The following NECTIN3 variants were observed in gnomAD, a reference collection of about 807,000 sequenced individuals.
NECTIN3 encodes the protein nectin cell adhesion molecule 3.
In NECTIN3, 8 loss-of-function variants were observed where a neutral mutation model predicts 49.4. That is an observed-to-expected ratio of 0.16 (90% CI 0.10 to 0.29). NECTIN3 has a LOEUF of 0.29. NECTIN3 is among the 10% of genes least tolerant of loss of function. NECTIN3 has a pLI of 1.00. For missense variants in NECTIN3, 581 were observed against 654.6 expected (o/e 0.89, Z 1.23); for synonymous variants, 277 against 241.1 (o/e 1.15, Z -1.38).
intron 3 of NECTIN3, 40 bp downstream of exon 3, chr3:111,118,992 G>T: frequency 6.8e-7 from 1 of 1,469,068 alleles, no homozygotes; most frequent in South Asian, 1.3e-5. Context: ...ATATTTGTCA[G>T]CATGTTTATC....
In NECTIN3 at chr3:111,137,476, T is replaced by C. The variant is rs1576154169; in HGVS notation, c.*3261T>C. ...TTTTGTTTTGTTTTGTTTTTTCTTT[T>C]TTAACCAACCTGTGTATTAGGTGTT... On this transcript the variant is annotated 3_prime_UTR_variant, in exon 6 of 6. Coordinates refer to ENST00000485303, the MANE Select transcript of NECTIN3 (RefSeq NM_015480.3). The C allele has an allele frequency of 7.2e-6, 7 of 967,762 alleles. No homozygotes were observed. The highest frequency in any genetic ancestry group is 8.5e-6 in the Non-Finnish European group (7 of 821,530). The allele number at this position is 967,762 out of a possible 1,614,324, so 59.9% of individuals were successfully genotyped here.
At chr3:111,180,514 C>T (rs1326477240) in intron 7 of NECTIN3, among the ~76,000 whole-genome samples, 3 of 148,790 alleles carry the variant, frequency 2.0e-5, no homozygotes, top group Non-Finnish European at 2.9e-5. Flanking sequence ...CAAAGTCGAC[C>T]TCTCTCATAA....
downstream of NECTIN3, among the ~76,000 whole-genome samples, chr3:111,141,756 ATTATT>A (rs1426123315): frequency 6.6e-5 from 10 of 151,882 alleles, no homozygotes; most frequent in Admixed American, 5.9e-4. Context: ...TTTAGTGGTA[ATTATT>A]TTATAAGTTT....
At chr3:111,166,984 TTC>T (rs2035330755) in intron 7 of NECTIN3, among the ~76,000 whole-genome samples, 1 of 152,210 alleles carries the variant, frequency 6.6e-6, no homozygotes, top group Non-Finnish European at 1.5e-5. Flanking sequence ...ATGTAGGTGA[TTC>T]ACCCATTTGA....
intron 1 of NECTIN3, among the ~76,000 whole-genome samples, chr3:111,090,181 A>G (rs1207806409): frequency 6.6e-6 from 1 of 152,116 alleles, no homozygotes; most frequent in Non-Finnish European, 1.5e-5. Flanking sequence ...TTAGAAAGTC[A>G]GTCTACTAGG....
At chr3:111,118,278 A>ATG (rs1453057519) in intron 2 of NECTIN3, among the ~76,000 whole-genome samples, 2 of 139,452 alleles carry the variant, frequency 1.4e-5, no homozygotes, top group East Asian at 4.1e-4. Flanking sequence ...ATATATATAT[A>ATG]TATATTATAC....
At chr3:111,160,804 G>A (rs534348567) in intron 7 of NECTIN3, among the ~76,000 whole-genome samples, 2 of 152,242 alleles carry the variant, frequency 1.3e-5, no homozygotes, top group South Asian at 2.1e-4. Context: ...TCGGGAGATC[G>A]AGACCATCGT....
At chr3:111,128,555 A>G (rs900302407) in intron 5 of NECTIN3, among the ~76,000 whole-genome samples, 4 of 152,054 alleles carry the variant, frequency 2.6e-5, no homozygotes, top group African/African-American at 7.2e-5. Flanking sequence ...TGATCTTTCT[A>G]TTGCTCCTTG....
In NECTIN3 at chr3:111,137,057, C is replaced by T. The variant is rs552726205; in HGVS notation, c.*2842C>T. The T allele has an allele frequency of 1.0e-5, 10 of 982,014 alleles. No homozygotes were observed. The highest frequency in any genetic ancestry group is 9.4e-5 in the South Asian group (2 of 21,236). 60.8% of individuals were successfully genotyped at this position (982,014 alleles called of 1,614,324 possible). ...CAGGAAAGTTTTATAAGATAACCCA[C>T]GGCTAAATATTTTGCATTAAGGAGC... On this transcript the variant is annotated 3_prime_UTR_variant, in exon 6 of 6. Transcript: ENST00000485303.
intron 5 of NECTIN3, among the ~76,000 whole-genome samples, chr3:111,131,925 T>A (rs1307980287): frequency 6.6e-6 from 1 of 151,924 alleles, no homozygotes; most frequent in East Asian, 1.9e-4. Context: ...GATGCCAGTT[T>A]ATTATATTTT....
intron 1 of NECTIN3, among the ~76,000 whole-genome samples, chr3:111,078,921 A>T (rs955603951): frequency 2.0e-5 from 3 of 152,110 alleles, no homozygotes; most frequent in African/African-American, 7.2e-5. Flanking sequence ...TACTTCATGT[A>T]TGACACATCT....
intron 5 of NECTIN3, among the ~76,000 whole-genome samples, chr3:111,128,536 C>T (rs2034260940): frequency 6.6e-6 from 1 of 152,008 alleles, no homozygotes; most frequent in African/African-American, 2.4e-5. Flanking sequence ...ATATTCAAAA[C>T]CAAGGTCTTG....
intron 1 of NECTIN3, chr3:111,077,281 A>G: frequency 2.6e-6 from 1 of 391,222 alleles, no homozygotes; most frequent in South Asian, 2.0e-5. Flanking sequence ...TTGCATTGTG[A>G]GTAGATATTC....
chr3:111,075,440 C>A (rs1286671847), intron 1 of NECTIN3, among the ~76,000 whole-genome samples: 1 of 152,016 alleles, frequency 6.6e-6, no homozygotes, highest in Non-Finnish European at 1.5e-5. Flanking sequence ...AAAGAGATAA[C>A]ATTACTACCT....
At chr3:111,075,447 A>G (rs1314204831) in intron 1 of NECTIN3, among the ~76,000 whole-genome samples, 1 of 152,058 alleles carries the variant, frequency 6.6e-6, no homozygotes, top group African/African-American at 2.4e-5. Context: ...TAACATTACT[A>G]CCTTGCTGAT....
At chr3:111,128,297 A>ACTGTACTCCAGCC (rs2034250358) in intron 5 of NECTIN3, among the ~76,000 whole-genome samples, 1 of 151,598 alleles carries the variant, frequency 6.6e-6, no homozygotes, top group Non-Finnish European at 1.5e-5. Context: ...AGATCGTGCC[A>ACTGTACTCCAGCC]TGGATGACAG....
At chr3:111,156,522 T>A (rs953339339) in intron 7 of NECTIN3, among the ~76,000 whole-genome samples, 2 of 151,144 alleles carry the variant, frequency 1.3e-5, no homozygotes, top group African/African-American at 4.9e-5. Context: ...AGAAATTTTT[T>A]AAAATAATTG....
At chr3:111,084,006 T>C (rs1559766660) in intron 1 of NECTIN3, among the ~76,000 whole-genome samples, 1 of 152,196 alleles carries the variant, frequency 6.6e-6, no homozygotes, top group East Asian at 1.9e-4. Flanking sequence ...ATGAGACTTC[T>C]GTGTCTTTGG....
intron 1 of NECTIN3, among the ~76,000 whole-genome samples, chr3:111,103,630 T>C (rs1008446440): frequency 1.1e-4 from 16 of 152,038 alleles, no homozygotes; most frequent in Admixed American, 1.0e-3. Flanking sequence ...CTAATCAGTA[T>C]ACATTTATTG....
Sources: allele counts gnomAD v4.1 joint callset (sites outside exome capture counted in the v4.1 genomes callset), GRCh38; gene constraint gnomAD v4.1.1; transcripts MANE v1.5; gene names NCBI Gene and HGNC (gene_info 2026-07-23, HGNC 2026-07-21).